The following SLC49A3 variants were observed in gnomAD, a reference collection of about 807,000 sequenced individuals.
SLC49A3 encodes the protein solute carrier family 49 member A3.
A neutral mutation model predicts 43.8 loss-of-function variants in SLC49A3; 50 were observed. That is an observed-to-expected ratio of 1.14 (90% CI 0.91 to 1.45). SLC49A3 has a LOEUF of 1.45. SLC49A3 is among the 40% of genes most tolerant of loss of function. The pLI is 0.00. For missense variants in SLC49A3, 906 were observed against 774.1 expected, an observed-to-expected ratio of 1.17 and a Z score of -2.02; for synonymous variants, 413 against 352.0, an observed-to-expected ratio of 1.17 and a Z score of -1.94.
intron 6 of SLC49A3, among the ~76,000 whole-genome samples, chr4:684,204 C>G (rs1740504346): frequency 6.6e-6 from 1 of 152,138 alleles, no homozygotes; most frequent in African/African-American, 2.4e-5. Context: ...GGAAGGGGCA[C>G]TGGGAGCCCT....
rs567035125 is a variant in SLC49A3, at chr4:684,395, C to T, written c.840+88G>A. 147 of 1,554,298 alleles carry T rather than the reference C, an allele frequency of 9.5e-5. 3 individuals carry two copies. In the Middle Eastern group the frequency reaches 2.6e-3, roughly 27 times the overall value. On this transcript the variant is annotated intron_variant, in intron 6 of 9. Coordinates refer to ENST00000322224, the MANE Select transcript of SLC49A3 (RefSeq NM_032219.4). ...CAATGTGGCCCCCGCCAGGGTCGGACACTGGGCACCCTGGAGGCGGCGGTG... is the reference window on the plus strand; with the variant it reads ...CAATGTGGCCCCCGCCAGGGTCGGATACTGGGCACCCTGGAGGCGGCGGTG...
rs758873128 is a variant in SLC49A3 at position 686,153 on chromosome 4, G to T, written c.444C>A (p.Ala148=). 4.3e-6 allele frequency: 7 copies of T among 1,613,232 alleles called. No homozygotes were observed. Among genetic ancestry groups the T allele is most frequent in the Non-Finnish European group, 5.1e-6 (6 of 1,180,008 alleles). The change falls in exon 3 of 10, where the codon GCC becomes GCA. Residue 148 remains alanine (A), a synonymous_variant. Coordinates refer to ENST00000322224, the MANE Select transcript of SLC49A3 (RefSeq NM_032219.4). ...LAQSLVIFSP[A]KLAALWFPEH... Reference sequence around the variant, plus strand: ...CTGGGAACCACAAGGCAGCCAGCTTGGCTGGAGAGAAGATGACCAGGCTCT... The same window carrying T: ...CTGGGAACCACAAGGCAGCCAGCTTTGCTGGAGAGAAGATGACCAGGCTCT...
downstream of SLC49A3, among the ~76,000 whole-genome samples, chr4:681,376 G>C (rs1016883136): frequency 6.6e-6 from 1 of 151,846 alleles, no homozygotes; most frequent in African/African-American, 2.4e-5. Flanking sequence ...AGACCCCTCC[G>C]CGGCCTGAGC....
chr4:682,069 G>A lies in SLC49A3; in HGVS notation c.1569C>T (p.Ala523=), dbSNP rs1431009461. Residue 523 remains alanine, a synonymous_variant, in exon 10 of 10, where the codon GCC becomes GCT. Transcript: ENST00000322224. ...RATPRAQGPA[A]TDAPSRPGRL... is the part of the protein sequence containing the mutation. Reference sequence around the variant, plus strand: ...TGCCGGGGCGGGAGGGCGCGTCGGTGGCTGCTGGGCCTTGCGCACGGGGAG... The same window carrying A: ...TGCCGGGGCGGGAGGGCGCGTCGGTAGCTGCTGGGCCTTGCGCACGGGGAG... 4.3e-6 allele frequency: 6 copies of A among 1,404,596 alleles called. No individual in the cohort carries two copies. Among genetic ancestry groups the A allele is most frequent in the African/African-American group, 1.5e-5 (1 of 67,002 alleles). The allele number at this position is 1,404,596 out of a possible 1,614,324, so 87.0% of individuals were successfully genotyped here. A position where few individuals can be genotyped will look rare whatever the true frequency, so the allele number is the denominator to read the frequency against.
rs753074248 is a variant in SLC49A3, at chr4:684,605, G to A, written c.724-6C>T. On this transcript the variant is annotated splice_region_variant and splice_polypyrimidine_tract_variant and intron_variant, in intron 5 of 9. Coordinates refer to ENST00000322224, the MANE Select transcript of SLC49A3 (RefSeq NM_032219.4). ...TAGGCCTTGTTCCACATGAGCTGCT[G>A]GGAAAGAGCGTCTCAGCCCCGGAGC... is the stretch of plus-strand genomic sequence containing the variant. The A allele has an allele frequency of 1.9e-6, 3 of 1,612,702 alleles. No homozygotes were observed. Among genetic ancestry groups the A allele is most frequent in the Non-Finnish European group, 2.5e-6 (3 of 1,179,840 alleles).
chr4:690,293 C>T (rs896678497), upstream of SLC49A3, among the ~76,000 whole-genome samples: 1 of 151,496 alleles, frequency 6.6e-6, no homozygotes, highest in African/African-American at 2.4e-5. Context: ...GATGGGTGGG[C>T]CCCAAGGGGG....
downstream of SLC49A3, chr4:678,959 C>G: frequency 6.2e-7 from 1 of 1,613,774 alleles, no homozygotes; most frequent in South Asian, 1.1e-5. Context: ...GGTCCCCAGG[C>G]ATTCACACTC....
intron 1 of SLC49A3, 122 bp downstream of exon 1, chr4:688,871 G>C (rs1477815090): frequency 7.2e-7 from 1 of 1,396,704 alleles, no homozygotes; most frequent in Non-Finnish European, 9.3e-7. Context: ...GCCACCTCCA[G>C]AAGGCACCCC....
At chr4:684,990 A>ACCACC in intron 4 of SLC49A3, 134 bp from the exon 5 acceptor site, 1 of 1,294,506 alleles carries the variant, frequency 7.7e-7, no homozygotes, top group Non-Finnish European at 1.0e-6. Context: ...TCTGGTCTGC[A>ACCACC]GCTGCCCTTT....
At position 689,052 on chromosome 4, in the gene SLC49A3, A is replaced by C; in HGVS notation, c.76T>G (p.Tyr26Asp). The C allele has an allele frequency of 6.3e-7, 1 of 1,584,960 alleles. No homozygotes were observed. Among genetic ancestry groups the C allele is most frequent in the Non-Finnish European group, 8.6e-7 (1 of 1,169,240 alleles). The change falls in exon 1 of 10, where the codon TAC becomes GAC. Residue 26 changes from tyrosine to aspartate, a missense_variant. Transcript: ENST00000322224. The part of the protein sequence containing the change: ...ALCAQRGHRT[Y>D]ARRWVFLLAI... ...AGCAGGAACACCCAGCGGCGCGCGT[A>C]GGTGCGGTGGCCCCGCTGCGCGCAC...
upstream of SLC49A3, among the ~76,000 whole-genome samples, chr4:689,736 A>G (rs1205132281): frequency 6.6e-6 from 1 of 152,214 alleles, no homozygotes. Context: ...CCACACACGC[A>G]CCGGATTGTT....
chr4:680,756 C>G, downstream of SLC49A3: 1 of 717,828 alleles, frequency 1.4e-6, no homozygotes, highest in South Asian at 1.8e-5. Context: ...GGGAGGCCAG[C>G]CCTGCTCACA....
chr4:681,570 T>G (rs1287630837), downstream of SLC49A3, among the ~76,000 whole-genome samples: 1 of 141,290 alleles, frequency 7.1e-6, no homozygotes, highest in Non-Finnish European at 1.5e-5. Flanking sequence ...GCCCGACACG[T>G]GCGCCCAGAC....
At chr4:677,836 G>A (rs1233862843), downstream of SLC49A3, 2 of 896,230 alleles carry the variant, frequency 2.2e-6, no homozygotes, top group Non-Finnish European at 3.6e-6. Flanking sequence ...GTGAGGCAGG[G>A]CAAGGGTGTG....
upstream of SLC49A3, chr4:689,209 G>A: frequency 3.7e-6 from 4 of 1,081,936 alleles, no homozygotes; most frequent in Non-Finnish European, 4.7e-6. Context: ...GGGACCGCCT[G>A]CGGGCGGAGG....
intron 6 of SLC49A3, among the ~76,000 whole-genome samples, chr4:683,994 G>C (rs1306962734): frequency 6.6e-6 from 1 of 152,080 alleles, no homozygotes; most frequent in Non-Finnish European, 1.5e-5. Context: ...TCTCCACAGA[G>C]GCCCCACAGG....
rs778925469 is a variant in SLC49A3, at chr4:682,216, C to T, written c.1422G>A (p.Gly474=). 1.0e-5 allele frequency: 14 copies of T among 1,378,808 alleles called. No homozygotes were observed. Among genetic ancestry groups the T allele is most frequent in the Admixed American group, 2.9e-5 (1 of 34,462 alleles). The allele number at this position is 1,378,808 out of a possible 1,614,324, so 85.4% of individuals were successfully genotyped here. Residue 474 remains glycine (G), a synonymous_variant, in exon 10 of 10, where the codon GGG becomes GGA. Transcript: ENST00000322224. ...GADSGPGVDR[G]GAGRAGVLGP... ...CCAGGACCCCAGCCCTTCCTGCTCC[C>T]CCTCGGTCCACACCCGGCCCTGAGT...
intron 1 of SLC49A3, chr4:687,894 G>C (rs1376587487): frequency 6.6e-6 from 1 of 152,206 alleles, no homozygotes; most frequent in Admixed American, 6.5e-5. Context: ...TGGCTGGAGT[G>C]AACATGGTGC....
chr4:686,691 C>T lies in SLC49A3; in HGVS notation c.136-1G>A. The T allele has an allele frequency of 6.2e-7, 1 of 1,612,202 alleles. No individual in the cohort carries two copies. The highest frequency in any genetic ancestry group is 8.5e-7 in the Non-Finnish European group (1 of 1,179,568). On this transcript the variant is annotated splice_acceptor_variant, in intron 1 of 9. Coordinates refer to ENST00000322224, the MANE Select transcript of SLC49A3 (RefSeq NM_032219.4). LOFTEE classifies it high-confidence loss of function. ...CCACAGGTGCAAAGCTGAGCCACAG[C>T]TGCAGGGGTCAGGCGGGAGTCAGCG...
Sources: allele counts gnomAD v4.1 joint callset (sites outside exome capture counted in the v4.1 genomes callset), GRCh38; gene constraint gnomAD v4.1.1; transcripts MANE v1.5; gene names NCBI Gene and HGNC (gene_info 2026-07-23, HGNC 2026-07-21).